NELL1: variants seen among roughly 807,000 people sequenced by gnomAD.
NELL1 encodes the protein neural EGFL like 1, also known as protein kinase C-binding protein NELL1.
NELL1 carries 76 observed loss-of-function variants against 107.4 expected under a neutral mutation model. The observed-to-expected ratio is 0.71, with a 90% CI of 0.59 to 0.86. The LOEUF (loss-of-function observed/expected upper bound fraction) is 0.86. Ranked by LOEUF, NELL1 falls within the 40% of genes least tolerant of loss-of-function variation. NELL1 has a pLI of 0.00. For missense variants in NELL1, 1,024 were observed against 1,005.5 expected (o/e 1.02, Z -0.25); for synonymous variants, 353 against 341.2 (o/e 1.03, Z -0.38).
intron 1 of NELL1, among the ~76,000 whole-genome samples, chr11:20,672,359 T>C (rs1027062860): frequency 3.2e-4 from 48 of 152,256 alleles, no homozygotes; most frequent in Admixed American, 6.5e-4. Context: ...TGTGGTTCAC[T>C]TAGTGAGCTG....
chr11:20,852,787 C>A (rs1848815711), intron 4 of NELL1, among the ~76,000 whole-genome samples: 1 of 152,182 alleles, frequency 6.6e-6, no homozygotes, highest in Non-Finnish European at 1.5e-5. Context: ...TGGAAGCTAG[C>A]ATATGCCTCA....
intron 13 of NELL1, among the ~76,000 whole-genome samples, chr11:21,143,962 A>G (rs547601087): frequency 3.4e-4 from 52 of 152,358 alleles, no homozygotes; most frequent in African/African-American, 1.2e-3. Flanking sequence ...CACCAGTAAC[A>G]GGAGGTGAAG....
chr11:21,235,220 TG>T (rs1344727672), intron 14 of NELL1, among the ~76,000 whole-genome samples: 1 of 152,148 alleles, frequency 6.6e-6, no homozygotes, highest in African/African-American at 2.4e-5. Flanking sequence ...TATCAGGGGA[TG>T]GTTTGGCTCA....
rs113917347 is a variant in NELL1, at chr11:21,519,201, G to A, written c.1646-15173G>A. ...GCAGACTTCTCCTTACTTCTCATTAGCAAGAACTTGGTCACATGCCCTTAT... is the reference window on the plus strand; with the variant it reads ...GCAGACTTCTCCTTACTTCTCATTAACAAGAACTTGGTCACATGCCCTTAT... On this transcript the variant is annotated intron_variant, in intron 15 of 19. Coordinates refer to ENST00000357134, the MANE Select transcript of NELL1 (RefSeq NM_006157.5). 7.9e-3 allele frequency among the ~76,000 whole-genome samples: 1,205 copies of A among 152,234 alleles called. 13 individuals carry two copies. The highest frequency in any genetic ancestry group is 0.027 in the African/African-American group (1,134 of 41,534).
At chr11:21,435,504 T>G (rs1467060742) in intron 15 of NELL1, among the ~76,000 whole-genome samples, 2 of 60,718 alleles carry the variant, frequency 3.3e-5, no homozygotes, top group African/African-American at 1.3e-4. Context: ...TTGTTTTTTG[T>G]TTTTTTTTAC....
chr11:20,837,296 T>C (rs1483690641), intron 3 of NELL1, among the ~76,000 whole-genome samples: 1 of 152,180 alleles, frequency 6.6e-6, no homozygotes, highest in African/African-American at 2.4e-5. Flanking sequence ...ACTAGAATTA[T>C]CTATGTGATA....
intron 15 of NELL1, among the ~76,000 whole-genome samples, chr11:21,485,433 C>T (rs536804254): frequency 6.6e-6 from 1 of 152,038 alleles, no homozygotes; most frequent in African/African-American, 2.4e-5. Flanking sequence ...TCCAATCCTG[C>T]ACCAGTCCAA....
At chr11:21,317,867 A>T in intron 14 of NELL1, among the ~76,000 whole-genome samples, 1 of 152,292 alleles carries the variant, frequency 6.6e-6, no homozygotes, top group Admixed American at 6.5e-5. Flanking sequence ...TTTGATTATA[A>T]ACTTCCTCAG....
chr11:21,114,150 G>C (rs1342064293), intron 13 of NELL1, among the ~76,000 whole-genome samples: 1 of 151,974 alleles, frequency 6.6e-6, no homozygotes, highest in Non-Finnish European at 1.5e-5. Context: ...TCAAAGTTTA[G>C]GTATATGGGA....
At chr11:20,876,783 C>G (rs1428115752) in intron 4 of NELL1, among the ~76,000 whole-genome samples, 4 of 151,548 alleles carry the variant, frequency 2.6e-5, no homozygotes, top group Non-Finnish European at 5.9e-5. Context: ...CAAAACAAAA[C>G]AAACAAACAA....
At chr11:20,786,659 C>T (rs1181162667) in intron 3 of NELL1, among the ~76,000 whole-genome samples, 1 of 151,802 alleles carries the variant, frequency 6.6e-6, no homozygotes, top group Admixed American at 6.6e-5. Context: ...ATCTGAGGGG[C>T]ATAAGGCAGA....
At chr11:21,420,612 G>T (rs1852640897) in intron 15 of NELL1, among the ~76,000 whole-genome samples, 1 of 152,102 alleles carries the variant, frequency 6.6e-6, no homozygotes, top group Admixed American at 6.6e-5. Flanking sequence ...GAGGAAGACG[G>T]CATGAAAATT....
At chr11:20,704,766 C>T (rs761234806) in intron 2 of NELL1, among the ~76,000 whole-genome samples, 50 of 152,226 alleles carry the variant, frequency 3.3e-4, no homozygotes, top group Non-Finnish European at 4.4e-5. Context: ...ACTTACGAAG[C>T]TTAGTTTGGC....
intron 12 of NELL1, among the ~76,000 whole-genome samples, chr11:21,102,842 C>T (rs549961013): frequency 2.8e-4 from 43 of 152,238 alleles, no homozygotes; most frequent in Admixed American, 8.5e-4. Flanking sequence ...ATTTTTGTCT[C>T]AACAATCACA....
At chr11:21,087,210 T>C (rs560119533) in intron 12 of NELL1, among the ~76,000 whole-genome samples, 2 of 152,300 alleles carry the variant, frequency 1.3e-5, no homozygotes, top group South Asian at 4.1e-4. Context: ...AATGTTCCTT[T>C]TATTTCATTG....
intron 15 of NELL1, among the ~76,000 whole-genome samples, chr11:21,502,123 G>T (rs1351156257): frequency 6.6e-6 from 1 of 152,138 alleles, no homozygotes; most frequent in African/African-American, 2.4e-5. Context: ...TCTCTTGATA[G>T]TATTATAAAT....
chr11:21,390,409 A>T (rs868561761), intron 15 of NELL1, among the ~76,000 whole-genome samples: 4 of 150,180 alleles, frequency 2.7e-5, no homozygotes, highest in Middle Eastern at 3.5e-3. Context: ...TTACATTACT[A>T]TTTCTAGAGT....
chr11:20,972,392 T>G (rs546749498), intron 12 of NELL1, among the ~76,000 whole-genome samples: 11 of 152,008 alleles, frequency 7.2e-5, no homozygotes, highest in African/African-American at 2.7e-4. Context: ...ATTCTTGGAG[T>G]TAGCAGGAAA....
intron 2 of NELL1, among the ~76,000 whole-genome samples, chr11:20,685,566 C>T (rs1854287972): frequency 6.6e-6 from 1 of 152,080 alleles, no homozygotes; most frequent in African/African-American, 2.4e-5. Flanking sequence ...AAAGTACTTC[C>T]ATTTACTCAC....
Sources: allele counts gnomAD v4.1 joint callset (sites outside exome capture counted in the v4.1 genomes callset), GRCh38; gene constraint gnomAD v4.1.1; transcripts MANE v1.5; gene names NCBI Gene and HGNC (gene_info 2026-07-23, HGNC 2026-07-21).